Variants in ARHGAP42 observed in about 807,000 individuals in gnomAD.
The protein encoded by ARHGAP42 is rho GTPase-activating protein 42.
In ARHGAP42, 63 loss-of-function variants were observed where a neutral mutation model predicts 125.0. The ratio of observed to expected loss-of-function variants is 0.50; its 90% CI spans 0.41 to 0.62. The LOEUF (loss-of-function observed/expected upper bound fraction) is 0.62. ARHGAP42 is among the 20% of genes least tolerant of loss of function. The pLI, the probability that ARHGAP42 is intolerant of heterozygous loss-of-function variation, is 0.00. For synonymous variants in ARHGAP42, 339 were observed against 351.0 expected (o/e 0.97, Z 0.38); for missense variants, 766 against 1,024.2 (o/e 0.75, Z 3.44).
intron 1 of ARHGAP42, among the ~76,000 whole-genome samples, chr11:100,730,138 A>C (rs1349546936): frequency 6.6e-6 from 1 of 152,096 alleles, no homozygotes; most frequent in Admixed American, 6.5e-5. Flanking sequence ...AATTTGACGA[A>C]ATACACAAGG....
intron 3 of ARHGAP42, among the ~76,000 whole-genome samples, chr11:100,821,195 G>A (rs994509366): frequency 2.5e-4 from 38 of 152,140 alleles, no homozygotes; most frequent in African/African-American, 8.4e-4. Flanking sequence ...GAAGTAACAA[G>A]CCTTTGTTAC....
intron 5 of ARHGAP42, among the ~76,000 whole-genome samples, chr11:100,914,656 G>A (rs984263153): frequency 3.3e-5 from 5 of 152,024 alleles, no homozygotes; most frequent in East Asian, 1.9e-4. Flanking sequence ...AAAAGTGATC[G>A]GGAACCGTGA....
intron 22 of ARHGAP42, among the ~76,000 whole-genome samples, chr11:100,980,769 C>G (rs1659032933): frequency 7.4e-6 from 1 of 135,684 alleles, no homozygotes; most frequent in African/African-American, 2.5e-5. Flanking sequence ...CAGGGTTTCA[C>G]CAGGTTGGCC....
Position 100,944,887 on chromosome 11 carries a change from G to GC in ARHGAP42, c.1043+1021dup, listed in dbSNP as rs1227711049. ...GTTACTGAAGGATGGGGTGGCTGTG[G>GC]CCATTTTCTTAAAATGAGACAGCAA... On this transcript the variant is annotated intron_variant, in intron 10 of 23. Coordinates refer to ENST00000298815, the MANE Select transcript of ARHGAP42 (RefSeq NM_152432.4). Among the ~76,000 whole-genome samples the GC allele has an allele frequency of 5.9e-5, 9 of 152,006 alleles. 1 individual carries two copies. In the South Asian group the frequency reaches 1.7e-3, roughly 28 times the overall value.
At chr11:100,794,733 G>T (rs73575579) in intron 2 of ARHGAP42, among the ~76,000 whole-genome samples, 1 of 152,054 alleles carries the variant, frequency 6.6e-6, no homozygotes, top group Non-Finnish European at 1.5e-5. Context: ...AAAATGTTTG[G>T]TTATTTGTAG....
At chr11:100,827,002 CTTTTTTTTT>C (rs869260353) in intron 3 of ARHGAP42, among the ~76,000 whole-genome samples, 2 of 80,884 alleles carry the variant, frequency 2.5e-5, no homozygotes, top group Non-Finnish European at 4.5e-5. Flanking sequence ...GCCTTACATC[CTTTTTTTTT>C]TTTTTTTTTT....
chr11:100,737,204 G>A (rs933565163), intron 1 of ARHGAP42, among the ~76,000 whole-genome samples: 1 of 152,084 alleles, frequency 6.6e-6, no homozygotes, highest in African/African-American at 2.4e-5. Flanking sequence ...TAGTATTAAG[G>A]AATTACTATT....
chr11:100,943,991 T>G, intron 10 of ARHGAP42, 123 bp downstream of exon 10: 1 of 616,686 alleles, frequency 1.6e-6, no homozygotes, highest in East Asian at 2.9e-5. Flanking sequence ...AGTATACATG[T>G]TTATCTCTTT....
At chr11:100,762,108 C>T (rs1463000782) in intron 1 of ARHGAP42, among the ~76,000 whole-genome samples, 1 of 152,226 alleles carries the variant, frequency 6.6e-6, no homozygotes, top group Non-Finnish European at 1.5e-5. Flanking sequence ...TCACATAAGA[C>T]ATCGAAAACA....
At chr11:100,782,267 A>G (rs959951547) in intron 2 of ARHGAP42, among the ~76,000 whole-genome samples, 23 of 152,238 alleles carry the variant, frequency 1.5e-4, no homozygotes, top group African/African-American at 5.3e-4. Context: ...TATGTGATTC[A>G]TTATAACATG....
intron 3 of ARHGAP42, among the ~76,000 whole-genome samples, chr11:100,827,424 C>G (rs1296087520): frequency 6.6e-6 from 1 of 152,100 alleles, no homozygotes; most frequent in African/African-American, 2.4e-5. Context: ...CTTTGTGAAG[C>G]TGATGTGGCC....
chr11:100,952,030 A>T (rs764309800), intron 12 of ARHGAP42, among the ~76,000 whole-genome samples: 48 of 152,188 alleles, frequency 3.2e-4, no homozygotes, highest in Non-Finnish European at 5.7e-4. Context: ...TACAGAAGAA[A>T]TATTACAAGC....
At chr11:100,781,771 A>T (rs1863317683) in intron 2 of ARHGAP42, among the ~76,000 whole-genome samples, 1 of 152,222 alleles carries the variant, frequency 6.6e-6, no homozygotes, top group African/African-American at 2.4e-5. Context: ...TAATTTTAAG[A>T]TGTTGATGTT....
chr11:100,693,940 CTT>C (rs199994515), intron 1 of ARHGAP42, among the ~76,000 whole-genome samples: 9 of 145,244 alleles, frequency 6.2e-5, no homozygotes, highest in Non-Finnish European at 6.1e-5. Flanking sequence ...TCTTTTCTTT[CTT>C]TTTTTTTTTT....
intron 5 of ARHGAP42, among the ~76,000 whole-genome samples, chr11:100,921,058 G>T (rs1867228313): frequency 6.6e-6 from 1 of 150,920 alleles, no homozygotes; most frequent in African/African-American, 2.4e-5. Context: ...AACGGCCCCT[G>T]CTTTTTTTAT....
chr11:100,960,225 C>A (rs1429301479), intron 13 of ARHGAP42, among the ~76,000 whole-genome samples: 1 of 114,818 alleles, frequency 8.7e-6, no homozygotes, highest in Admixed American at 8.0e-5. Context: ...CTGCAAGCAC[C>A]TCTTTGATTT....
At chr11:100,758,381 G>A (rs568894035) in intron 1 of ARHGAP42, among the ~76,000 whole-genome samples, 188 of 152,268 alleles carry the variant, frequency 1.2e-3, no homozygotes, top group African/African-American at 4.4e-3. Flanking sequence ...GGCAATATAT[G>A]TATTGCATAA....
chr11:100,690,243 G>T (rs1458393581), intron 1 of ARHGAP42, among the ~76,000 whole-genome samples: 1 of 151,868 alleles, frequency 6.6e-6, no homozygotes, highest in Non-Finnish European at 1.5e-5. Flanking sequence ...ACCCGTTTCA[G>T]TTTTTTTAGC....
intron 22 of ARHGAP42, chr11:100,986,154 T>C: frequency 2.2e-6 from 1 of 452,686 alleles, no homozygotes; most frequent in Non-Finnish European, 4.4e-6. Context: ...AAGATAAAAA[T>C]ATCAGCAATA....
Sources: allele counts gnomAD v4.1 joint callset (sites outside exome capture counted in the v4.1 genomes callset), GRCh38; gene constraint gnomAD v4.1.1; transcripts MANE v1.5; gene names NCBI Gene and HGNC (gene_info 2026-07-23, HGNC 2026-07-21).